Variants in ST8SIA5 observed in about 807,000 individuals in gnomAD.
ST8SIA5 encodes alpha-2,8-sialyltransferase 8E.
In ST8SIA5, 24 loss-of-function variants were observed where a neutral mutation model predicts 40.2. That is an observed-to-expected ratio of 0.60 (90% confidence interval 0.43 to 0.84). The LOEUF (loss-of-function observed/expected upper bound fraction) is 0.84. Ranked by LOEUF, ST8SIA5 falls within the 40% of genes least tolerant of loss-of-function variation. The pLI, the probability that ST8SIA5 is intolerant of heterozygous loss-of-function variation, is 0.00. For missense variants in ST8SIA5, 465 were observed against 498.5 expected, an observed-to-expected ratio of 0.93 and a Z score of 0.64; for synonymous variants, 198 against 201.8, an observed-to-expected ratio of 0.98 and a Z score of 0.16.
chr18:46,757,007 G>T lies in ST8SIA5; in HGVS notation c.-499C>A, dbSNP rs1308801678. On this transcript the variant is annotated 5_prime_UTR_variant, in exon 1 of 7. Coordinates refer to ENST00000315087, the MANE Select transcript of ST8SIA5 (RefSeq NM_013305.6). ...CGGGGGCGGGCCACGTTTGATCTCC[G>T]GGCCCGCAGCAAGGGATCGCGAAGG... 1 of 154,466 alleles carries T rather than the reference G, an allele frequency of 6.5e-6. No individual in the cohort carries two copies. Among genetic ancestry groups the T allele is most frequent in the African/African-American group, 2.4e-5 (1 of 41,454 alleles). The allele number at this position is 154,466 out of a possible 1,614,324, so 9.6% of individuals were successfully genotyped here. A position where few individuals can be genotyped will look rare whatever the true frequency, so the allele number is the denominator to read the frequency against.
chr18:46,750,602 A>G (rs74396395), intron 1 of ST8SIA5, among the ~76,000 whole-genome samples: 2,371 of 152,060 alleles, frequency 0.016, 23 homozygotes, highest in Middle Eastern at 0.037. Context: ...CTGCCAACCC[A>G]GCAGACACCT....
At chr18:46,739,945 G>A (rs2040072420) in intron 1 of ST8SIA5, among the ~76,000 whole-genome samples, 2 of 152,092 alleles carry the variant, frequency 1.3e-5, no homozygotes, top group Non-Finnish European at 2.9e-5. Flanking sequence ...GCTGCCTATG[G>A]GGTCCACTGA....
At chr18:46,706,499 C>CT (rs1488637890) in intron 1 of ST8SIA5, among the ~76,000 whole-genome samples, 7 of 151,248 alleles carry the variant, frequency 4.6e-5, no homozygotes, top group Non-Finnish European at 8.8e-5. Flanking sequence ...CAGTTTTTGC[C>CT]TTTTTTTTTA....
chr18:46,722,161 C>A (rs535892880), intron 1 of ST8SIA5, among the ~76,000 whole-genome samples: 8 of 152,278 alleles, frequency 5.3e-5, no homozygotes, highest in Admixed American at 5.2e-4. Flanking sequence ...AATGAAAGGT[C>A]CCCAGGGCCA....
At chr18:46,707,832 G>A (rs536848933) in intron 1 of ST8SIA5, among the ~76,000 whole-genome samples, 1 of 152,330 alleles carries the variant, frequency 6.6e-6, no homozygotes, top group African/African-American at 2.4e-5. Flanking sequence ...ATACAGCAAG[G>A]AGATGCTGTT....
At chr18:46,705,724 T>C (rs561166779) in intron 1 of ST8SIA5, among the ~76,000 whole-genome samples, 1 of 151,894 alleles carries the variant, frequency 6.6e-6, no homozygotes, top group East Asian at 1.9e-4. Flanking sequence ...GCTTGGAGGG[T>C]TGGATCCCAG....
chr18:46,716,995 C>T (rs2039798584), intron 1 of ST8SIA5, among the ~76,000 whole-genome samples: 1 of 152,232 alleles, frequency 6.6e-6, no homozygotes. Context: ...TGACAGTCAG[C>T]TCTGCTGGGA....
chr18:46,700,132 C>T (rs1003529119), intron 2 of ST8SIA5, among the ~76,000 whole-genome samples: 1 of 152,206 alleles, frequency 6.6e-6, no homozygotes, highest in Non-Finnish European at 1.5e-5. Context: ...GAATTAGTGA[C>T]AATGAGTTTT....
In ST8SIA5 at chr18:46,735,249, T is replaced by G. The variant is rs549574943; in HGVS notation, c.131+21129A>C. ...TGAGGTTTGGGGACTTGGACTGGCT[T>G]CCTTGCTCCTCAGCTTGTAGATGGC... On this transcript the variant is annotated intron_variant, in intron 1 of 6. Transcript: ENST00000315087. Among the ~76,000 whole-genome samples, 7 of 152,362 alleles carry G rather than the reference T, an allele frequency of 4.6e-5. No individual in the cohort carries two copies. The South Asian group carries it at 1.0e-3, about 23-fold the overall frequency.
At chr18:46,718,341 A>AG (rs1197998769) in intron 1 of ST8SIA5, among the ~76,000 whole-genome samples, 4 of 151,596 alleles carry the variant, frequency 2.6e-5, no homozygotes, top group Admixed American at 1.3e-4. Context: ...AAAAAAAAAA[A>AG]AAAAGAAAAA....
intron 1 of ST8SIA5, among the ~76,000 whole-genome samples, chr18:46,725,297 C>G (rs1276714883): frequency 1.3e-5 from 2 of 152,146 alleles, no homozygotes; most frequent in Non-Finnish European, 2.9e-5. Flanking sequence ...CATATCAAAT[C>G]AATGTCCAGC....
chr18:46,719,698 C>CTTTCTTTCTTTCTTTCTT (rs1555696457), intron 1 of ST8SIA5, among the ~76,000 whole-genome samples: 1 of 147,836 alleles, frequency 6.8e-6, no homozygotes, highest in Non-Finnish European at 1.5e-5. Flanking sequence ...TTCTTTCTTT[C>CTTTCTTTCTTTCTTTCTT]TTTCTTTCTC....
intron 1 of ST8SIA5, among the ~76,000 whole-genome samples, chr18:46,712,177 G>C (rs1031869837): frequency 6.6e-6 from 1 of 152,146 alleles, no homozygotes; most frequent in Admixed American, 6.5e-5. Context: ...CCAGACTAGG[G>C]AGCCCTGAAA....
intron 1 of ST8SIA5, among the ~76,000 whole-genome samples, chr18:46,706,499 CT>C (rs1488637890): frequency 2.6e-5 from 4 of 151,240 alleles, no homozygotes; most frequent in East Asian, 1.9e-4. Context: ...CAGTTTTTGC[CT>C]TTTTTTTTAA....
intron 2 of ST8SIA5, among the ~76,000 whole-genome samples, chr18:46,693,253 T>C (rs1172474285): frequency 6.6e-6 from 1 of 152,190 alleles, no homozygotes; most frequent in Non-Finnish European, 1.5e-5. Context: ...CTTGGGAACA[T>C]CTGTCTATAA....
At chr18:46,713,180 G>T (rs906382724) in intron 1 of ST8SIA5, among the ~76,000 whole-genome samples, 1 of 152,106 alleles carries the variant, frequency 6.6e-6, no homozygotes, top group African/African-American at 2.4e-5. Flanking sequence ...AAAGACAGTC[G>T]ATTGCACTAA....
At chr18:46,714,732 T>G (rs962464008) in intron 1 of ST8SIA5, among the ~76,000 whole-genome samples, 15 of 152,186 alleles carry the variant, frequency 9.9e-5, no homozygotes, top group African/African-American at 3.1e-4. Flanking sequence ...TATGGGGACC[T>G]GTGAGGTGCT....
intron 6 of ST8SIA5, among the ~76,000 whole-genome samples, chr18:46,681,651 C>T (rs573370533): frequency 3.7e-4 from 57 of 152,148 alleles, no homozygotes; most frequent in Non-Finnish European, 6.2e-4. Context: ...AGACCAGCAC[C>T]GTCCAAAAGA....
At chr18:46,718,456 A>G (rs1336657710) in intron 1 of ST8SIA5, among the ~76,000 whole-genome samples, 1 of 137,978 alleles carries the variant, frequency 7.2e-6, no homozygotes, top group Non-Finnish European at 1.6e-5. Flanking sequence ...GTCAATGTAT[A>G]TCTTATAGCT....
Sources: gnomAD v4.1 joint callset for allele counts (sites outside exome capture counted in the v4.1 genomes callset) on GRCh38, gnomAD v4.1.1 for gene constraint, MANE v1.5 for transcripts, NCBI Gene and HGNC (gene_info 2026-07-23, HGNC 2026-07-21) for gene names.